Variants in ZNF180 observed in about 807,000 individuals in gnomAD.
The protein encoded by ZNF180 is zinc finger protein 180.
A neutral mutation model predicts 11.8 loss-of-function variants in ZNF180; 11 were observed. The ratio of observed to expected loss-of-function variants is 0.93; its 90% CI spans 0.59 to 1.55. The LOEUF is 1.55. ZNF180 is among the 40% of genes most tolerant of loss of function. The pLI is 0.00. For missense variants in ZNF180, 773 were observed against 781.7 expected (o/e 0.99, Z 0.13); for synonymous variants, 287 against 257.7 (o/e 1.11, Z -1.09).
intron 3 of ZNF180, among the ~76,000 whole-genome samples, chr19:44,480,896 A>T (rs1600073890): frequency 6.6e-6 from 1 of 152,180 alleles, no homozygotes; most frequent in African/African-American, 2.4e-5. Context: ...TACTGTTATG[A>T]TTAGTAGGTC....
In ZNF180 at chr19:44,488,159, T is replaced by C. The variant is rs1421398183; in HGVS notation, c.52-3724A>G. ...TTCCACGGTCTCCCTCTCCCTCTCT[T>C]TCCACGGTCTCCCTCTCCTTCTCTT... On this transcript the variant is annotated intron_variant, in intron 2 of 4. Transcript: ENST00000592529. Among the ~76,000 whole-genome samples the C allele has an allele frequency of 1.4e-4, 12 of 88,850 alleles. No individual in the cohort carries two copies. In the East Asian group the frequency reaches 2.0e-3, roughly 15 times the overall value. The allele number at this position is 88,850 out of a possible 152,430, so 58.3% of individuals were successfully genotyped here.
chr19:44,499,320 C>T (rs1420741790), intron 1 of ZNF180, among the ~76,000 whole-genome samples: 1 of 152,192 alleles, frequency 6.6e-6, no homozygotes. Context: ...CTCTGTCCCT[C>T]TACTAACCTG....
At position 44,500,287 on chromosome 19, in the gene ZNF180, T is replaced by A. The variant is rs1224901803; in HGVS notation, c.-56A>T. On this transcript the variant is annotated 5_prime_UTR_variant, in exon 1 of 5. Coordinates refer to ENST00000592529, the MANE Select transcript of ZNF180 (RefSeq NM_001278509.3). Reference sequence around the variant, plus strand: ...CGCCCCTACCAACCTGGGCGTCCGCTGGCCCGCAGCCCAGGCTGGGCCTGT... The same window carrying A: ...CGCCCCTACCAACCTGGGCGTCCGCAGGCCCGCAGCCCAGGCTGGGCCTGT... 1 of 1,611,258 alleles carries A rather than the reference T, an allele frequency of 6.2e-7. No individual in the cohort carries two copies. Among genetic ancestry groups the A allele is most frequent in the Non-Finnish European group, 8.5e-7 (1 of 1,179,118 alleles).
At chr19:44,500,183 C>T in intron 1 of ZNF180, 92 bp downstream of exon 1, 2 of 1,614,180 alleles carry the variant, frequency 1.2e-6, no homozygotes, top group Non-Finnish European at 8.5e-7. Context: ...TACCAGGTCT[C>T]CCCGCTACAC....
Position 44,491,448 on chromosome 19 carries a change from C to A in ZNF180, c.51+5836G>T, listed in dbSNP as rs185853801. On this transcript the variant is annotated intron_variant, in intron 2 of 4. Coordinates refer to ENST00000592529, the MANE Select transcript of ZNF180 (RefSeq NM_001278509.3). ...ATTACTGACCATTTTAGGAATATCT[C>A]CTGAATTTACATCTTAGCTCCCTCA... Among the ~76,000 whole-genome samples the A allele has an allele frequency of 2.5e-3, 382 of 152,350 alleles. 2 individuals are homozygous for A. Among genetic ancestry groups the A allele is most frequent in the African/African-American group, 7.3e-3 (304 of 41,574 alleles).
rs146097237 is a variant in ZNF180 at position 44,477,509 on chromosome 19, A to G, written c.891T>C (p.Phe297=). ...ISHNEQQRIP[F]EESQYKCSET... ...CACTACATTTATATTGACTCTCTTC[A>G]AAAGGAATTCTCTGTTGTTCATTAT... is the stretch of plus-strand genomic sequence containing the variant. The change falls in exon 5 of 5, where the codon TTT becomes TTC. Residue 297 remains phenylalanine (F), a synonymous_variant. Coordinates refer to ENST00000592529, the MANE Select transcript of ZNF180 (RefSeq NM_001278509.3). 10 of 1,613,998 alleles carry G rather than the reference A, an allele frequency of 6.2e-6. No individual in the cohort carries two copies. The African/African-American group carries it at 1.1e-4, about 17-fold the overall frequency.
chr19:44,484,074 A>G (rs968515094), intron 3 of ZNF180, among the ~76,000 whole-genome samples: 7 of 150,804 alleles, frequency 4.6e-5, no homozygotes, highest in African/African-American at 1.2e-4. Context: ...GGCTCACTGC[A>G]AGCTCTGCCT....
At chr19:44,490,145 G>C (rs924369542) in intron 2 of ZNF180, among the ~76,000 whole-genome samples, 2 of 113,514 alleles carry the variant, frequency 1.8e-5, no homozygotes, top group Non-Finnish European at 3.4e-5. Flanking sequence ...GGGAAAGAAA[G>C]GGAAAAAGGA....
At position 44,477,113 on chromosome 19, in the gene ZNF180, T is replaced by C; in HGVS notation, c.1287A>G (p.Gln429=). ...AGGGCTTCTCTCCGGTATGTGTTCT[T>C]TGATGTGCAATAAGTTTATAGCTCT... ...FRQSYKLIAH[Q]RTHTGEKPYE... The change falls in exon 5 of 5, where the codon CAA becomes CAG. Residue 429 remains glutamine, a synonymous_variant. Coordinates refer to ENST00000592529, the MANE Select transcript of ZNF180 (RefSeq NM_001278509.3). 6.2e-7 allele frequency: 1 copy of C among 1,614,014 alleles called. No individual in the cohort carries two copies. The highest frequency in any genetic ancestry group is 8.5e-7 in the Non-Finnish European group (1 of 1,179,932).
rs1184619960 is a variant in ZNF180, at chr19:44,494,058, A to G, written c.51+3226T>C. ...ATTTTAAGCTGCAAAATTTTGGGGT[A>G]TGTAATAACAGATAACTAATACAAC... On this transcript the variant is annotated intron_variant, in intron 2 of 4. Transcript: ENST00000592529. Among the ~76,000 whole-genome samples, 3 of 152,302 alleles carry G rather than the reference A, an allele frequency of 2.0e-5. No individual in the cohort carries two copies. The East Asian group carries it at 5.8e-4, about 29-fold the overall frequency.
chr19:44,477,727 C>T lies in ZNF180; in HGVS notation c.673G>A (p.Gly225Arg), dbSNP rs1969960642. The change falls in exon 5 of 5, where the codon GGA (glycine) becomes AGA (arginine). Residue 225 changes from glycine (G) to arginine (R), a missense_variant. Transcript: ENST00000592529. ...AGGTGAATGCTCTGAGGGGGTTTTC[C>T]ACATTCATTATTTTCATATAGTGTC... ...NETLYENNEC[G>R]KPPQSIHLIQ... is the part of the protein sequence containing the mutation. The T allele has an allele frequency of 6.2e-7, 1 of 1,613,908 alleles. No homozygotes were observed. Among genetic ancestry groups the T allele is most frequent in the Admixed American group, 1.7e-5 (1 of 59,998 alleles).
Position 44,500,514 on chromosome 19 carries a change from T to C in ZNF180, c.-283A>G, listed in dbSNP as rs1970726989. ...AAGCGTCCGCGCGCGGGACAATGGC[T>C]GCTCTTGTGGCCGAACCCGGAAGTG... On this transcript the variant is annotated 5_prime_UTR_variant, in exon 1 of 5. Transcript: ENST00000592529. 2 of 527,236 alleles carry C rather than the reference T, an allele frequency of 3.8e-6. No individual in the cohort carries two copies. The highest frequency in any genetic ancestry group is 3.2e-5 in the East Asian group (1 of 31,710). 32.7% of individuals were successfully genotyped at this position (527,236 alleles called of 1,614,324 possible).
intron 4 of ZNF180, among the ~76,000 whole-genome samples, chr19:44,479,078 T>C (rs181737204): frequency 1.3e-5 from 2 of 152,316 alleles, no homozygotes; most frequent in Non-Finnish European, 2.9e-5. Context: ...TTTAGGAACA[T>C]GAAGACTGAA....
intron 1 of ZNF180, 170 bp downstream of exon 1, chr19:44,500,105 G>A (rs1237712022): frequency 1.3e-6 from 2 of 1,574,040 alleles, no homozygotes; most frequent in Non-Finnish European, 1.7e-6. Flanking sequence ...GACAGTCGCG[G>A]AATATACAGC....
intron 2 of ZNF180, among the ~76,000 whole-genome samples, chr19:44,490,118 G>GAGGGAAGGGA (rs149941233): frequency 5.7e-5 from 6 of 104,842 alleles, no homozygotes; most frequent in African/African-American, 2.2e-4. Context: ...GGGAAAGAAA[G>GAGGGAAGGGA]AGGGAAGGGA....
intron 2 of ZNF180, among the ~76,000 whole-genome samples, chr19:44,489,371 A>C (rs576552985): frequency 2.8e-5 from 4 of 142,730 alleles, no homozygotes; most frequent in Non-Finnish European, 6.2e-5. Flanking sequence ...GACATGGGAG[A>C]CTTTTCATTT....
intron 1 of ZNF180, among the ~76,000 whole-genome samples, chr19:44,499,882 G>A (rs958934088): frequency 2.0e-5 from 3 of 152,196 alleles, no homozygotes; most frequent in African/African-American, 7.2e-5. Context: ...CAGTGGCACA[G>A]CCCCTCCTCT....
chr19:44,493,338 C>G (rs745348745), intron 2 of ZNF180, among the ~76,000 whole-genome samples: 1 of 152,206 alleles, frequency 6.6e-6, no homozygotes, highest in Non-Finnish European at 1.5e-5. Context: ...GTATGAGCCA[C>G]TAAAATCTCT....
chr19:44,495,460 A>G lies in ZNF180; in HGVS notation c.51+1824T>C, dbSNP rs1670457158. Reference sequence around the variant, plus strand: ...CTGGGCTCTGACACCCCTGCAGGCCACCCTCACGCATGATGCCCTCAACAT... The same window carrying G: ...CTGGGCTCTGACACCCCTGCAGGCCGCCCTCACGCATGATGCCCTCAACAT... On this transcript the variant is annotated intron_variant, in intron 2 of 4. Coordinates refer to ENST00000592529, the MANE Select transcript of ZNF180 (RefSeq NM_001278509.3). This position sits in a 1 kb window ranked among gnomAD's most constrained non-coding sequence, Gnocchi z 4.5. Among the ~76,000 whole-genome samples the G allele has an allele frequency of 6.6e-6, 1 of 151,518 alleles. No homozygotes were observed.
Sources: gnomAD v4.1 joint callset for allele counts (sites outside exome capture counted in the v4.1 genomes callset) on GRCh38, gnomAD v4.1.1 for gene constraint, Gnocchi (gnomAD v3.1) non-coding constraint, MANE v1.5 for transcripts, NCBI Gene and HGNC (gene_info 2026-07-23, HGNC 2026-07-21) for gene names.